The following MACROD2 variants were observed in gnomAD, a reference collection of about 807,000 sequenced individuals.
MACROD2 encodes the protein ADP-ribose glycohydrolase MACROD2.
MACROD2 carries 36 observed loss-of-function variants against 70.4 expected under a neutral mutation model. The ratio of observed to expected loss-of-function variants is 0.51; its 90% CI spans 0.39 to 0.68. MACROD2 has a LOEUF of 0.68. Among genes scored for constraint, MACROD2 ranks in the 30% least tolerant of loss-of-function variants. MACROD2 has a pLI of 0.00. For missense variants in MACROD2, 496 were observed against 538.4 expected (o/e 0.92, Z 0.78); for synonymous variants, 172 against 178.8 (o/e 0.96, Z 0.30).
At chr20:15,077,388 GA>G (rs1012874082) in intron 5 of MACROD2, among the ~76,000 whole-genome samples, 4 of 151,994 alleles carry the variant, frequency 2.6e-5, no homozygotes, top group Non-Finnish European at 5.9e-5. Flanking sequence ...AATGAGTAGG[GA>G]AAAAAAGTTA....
intron 10 of MACROD2, 29 bp from the exon 11 acceptor site, chr20:15,933,246 AT>A (rs746010852): frequency 1.3e-5 from 21 of 1,605,414 alleles, no homozygotes; most frequent in East Asian, 2.2e-5. Flanking sequence ...GACTTGATGC[AT>A]TTTTTTTCCT....
intron 3 of MACROD2, among the ~76,000 whole-genome samples, chr20:14,464,592 G>C (rs1357689911): frequency 6.6e-6 from 1 of 151,998 alleles, no homozygotes; most frequent in South Asian, 2.1e-4. Context: ...GAATGTGTTT[G>C]CTCTTGCTTC....
chr20:14,610,437 G>T (rs116560999), intron 4 of MACROD2, among the ~76,000 whole-genome samples: 1 of 151,820 alleles, frequency 6.6e-6, no homozygotes, highest in Non-Finnish European at 1.5e-5. Context: ...TAATGTGAGC[G>T]CTTCTAGTAA....
chr20:15,275,451 A>T (rs998465224), intron 6 of MACROD2, among the ~76,000 whole-genome samples: 4 of 152,172 alleles, frequency 2.6e-5, no homozygotes, highest in Non-Finnish European at 5.9e-5. Context: ...ATGGCAATGG[A>T]TATCCATGGC....
At chr20:15,567,662 A>G (rs1386275835) in intron 8 of MACROD2, among the ~76,000 whole-genome samples, 7 of 152,236 alleles carry the variant, frequency 4.6e-5, no homozygotes, top group Non-Finnish European at 8.8e-5. Context: ...GTAAGTTTTC[A>G]GTATTGGAGG....
chr20:14,423,883 C>T (rs1020933569), intron 3 of MACROD2, among the ~76,000 whole-genome samples: 2 of 150,210 alleles, frequency 1.3e-5, no homozygotes, highest in African/African-American at 4.9e-5. Context: ...CTGGCCCAGC[C>T]TCCCGAGTAG....
At chr20:14,107,477 A>C (rs1023592383) in intron 3 of MACROD2, among the ~76,000 whole-genome samples, 5 of 152,170 alleles carry the variant, frequency 3.3e-5, no homozygotes, top group Non-Finnish European at 5.9e-5. Context: ...TGGGGTAGAA[A>C]GTGTATTCAA....
At chr20:15,197,966 T>TTTG (rs1339053181) in intron 5 of MACROD2, among the ~76,000 whole-genome samples, 1 of 148,172 alleles carries the variant, frequency 6.7e-6, no homozygotes, top group African/African-American at 2.5e-5. Context: ...CCTCCTTTTT[T>TTTG]TTTTTTTTTT....
intron 8 of MACROD2, among the ~76,000 whole-genome samples, chr20:15,561,845 C>T (rs1342267524): frequency 2.0e-5 from 3 of 152,148 alleles, no homozygotes; most frequent in East Asian, 2.0e-4. Flanking sequence ...TGTTTTATCT[C>T]AGCTACTGCA....
intron 5 of MACROD2, among the ~76,000 whole-genome samples, chr20:15,085,102 A>G (rs141786912): frequency 6.6e-6 from 1 of 152,316 alleles, no homozygotes; most frequent in East Asian, 1.9e-4. Context: ...GTAAATCCTC[A>G]CATAATGGTC....
chr20:14,475,855 C>A (rs926832933), intron 3 of MACROD2, among the ~76,000 whole-genome samples: 1 of 151,928 alleles, frequency 6.6e-6, no homozygotes, highest in Non-Finnish European at 1.5e-5. Context: ...TCTGATATAA[C>A]ACTACCCCAA....
At chr20:14,784,178 A>G (rs1176200206) in intron 5 of MACROD2, among the ~76,000 whole-genome samples, 2 of 152,072 alleles carry the variant, frequency 1.3e-5, no homozygotes, top group Middle Eastern at 3.4e-3. Context: ...ATCACGCCCC[A>G]ATTTCTGCTG....
At chr20:15,006,141 A>ATATGTGTGTGTGTG (rs141289169) in intron 5 of MACROD2, among the ~76,000 whole-genome samples, 5 of 134,364 alleles carry the variant, frequency 3.7e-5, no homozygotes, top group African/African-American at 8.5e-5. Flanking sequence ...ATATATATAT[A>ATATGTGTGTGTGTG]TGTGTGTGTG....
At chr20:15,225,689 G>C (rs1029602985) in intron 5 of MACROD2, among the ~76,000 whole-genome samples, 1 of 152,044 alleles carries the variant, frequency 6.6e-6, no homozygotes, top group Non-Finnish European at 1.5e-5. Context: ...ATACATGAAG[G>C]CCTTCTTTGT....
At chr20:15,633,049 C>G (rs939805654) in intron 8 of MACROD2, among the ~76,000 whole-genome samples, 4 of 152,084 alleles carry the variant, frequency 2.6e-5, no homozygotes, top group Admixed American at 2.0e-4. Flanking sequence ...CATTGTTTAA[C>G]TGAGTTATAG....
At chr20:14,839,143 G>A (rs1482313559) in intron 5 of MACROD2, among the ~76,000 whole-genome samples, 1 of 152,030 alleles carries the variant, frequency 6.6e-6, no homozygotes, top group Non-Finnish European at 1.5e-5. Context: ...TTGTGAGGGG[G>A]AGAAGTGCAT....
chr20:14,364,154 T>G (rs2083251134), intron 3 of MACROD2, among the ~76,000 whole-genome samples: 1 of 152,190 alleles, frequency 6.6e-6, no homozygotes. Flanking sequence ...TTTTTTCTCA[T>G]AAACACAGTA....
chr20:14,808,091 G>A (rs1001376199), intron 5 of MACROD2, among the ~76,000 whole-genome samples: 4 of 152,002 alleles, frequency 2.6e-5, no homozygotes, highest in Admixed American at 6.6e-5. Context: ...GAAATACAGA[G>A]AACATTGCAA....
chr20:14,518,901 G>C (rs1055284267), intron 4 of MACROD2, among the ~76,000 whole-genome samples: 4 of 152,124 alleles, frequency 2.6e-5, no homozygotes, highest in Admixed American at 6.5e-5. Context: ...AATCCTTAAA[G>C]CTGGAACAAG....
Sources: allele counts gnomAD v4.1 joint callset (sites outside exome capture counted in the v4.1 genomes callset), GRCh38; gene constraint gnomAD v4.1.1; transcripts MANE v1.5; gene names NCBI Gene and HGNC (gene_info 2026-07-23, HGNC 2026-07-21).